The following LMAN1 variants were observed in gnomAD, a reference collection of about 807,000 sequenced individuals.
LMAN1 encodes protein ERGIC-53.
A neutral mutation model predicts 67.8 loss-of-function variants in LMAN1; 32 were observed. The observed-to-expected ratio is 0.47, with a 90% CI of 0.36 to 0.63. The LOEUF (loss-of-function observed/expected upper bound fraction) is 0.63, where lower values mean the gene tolerates loss of function less well. Among genes scored for constraint, LMAN1 ranks in the 30% least tolerant of loss-of-function variants. The probability of loss-of-function intolerance (pLI) is 0.00; values close to 1 mark genes in which losing one functional copy is unlikely to be tolerated. For synonymous variants in LMAN1, 235 were observed against 219.3 expected (o/e 1.07, Z -0.63); for missense variants, 632 against 628.2 (o/e 1.01, Z -0.06).
intron 9 of LMAN1, 51 bp downstream of exon 9, chr18:59,338,709 C>T: frequency 1.2e-6 from 2 of 1,609,012 alleles, no homozygotes; most frequent in Non-Finnish European, 1.7e-6. Context: ...TTCTTTACTT[C>T]CCTTCCAGCA....
chr18:59,354,443 G>A, intron 4 of LMAN1, 76 bp downstream of exon 4: 2 of 842,660 alleles, frequency 2.4e-6, no homozygotes, highest in Non-Finnish European at 4.1e-6. Flanking sequence ...AAGGTGTTCA[G>A]ATTTGAAACA....
intron 11 of LMAN1, 69 bp from the exon 12 acceptor site, chr18:59,331,608 A>G: frequency 1.3e-6 from 2 of 1,529,184 alleles, no homozygotes; most frequent in East Asian, 4.5e-5. Context: ...TAAATGTGAA[A>G]TCTTTATAAA....
intron 5 of LMAN1, 123 bp from the exon 6 acceptor site, chr18:59,349,359 G>T: frequency 1.1e-6 from 1 of 891,726 alleles, no homozygotes. Flanking sequence ...TTTAAATAAC[G>T]TTTCCTACTT....
intron 6 of LMAN1, 53 bp from the exon 7 acceptor site, chr18:59,347,624 AT>A: frequency 8.8e-7 from 1 of 1,140,436 alleles, no homozygotes; most frequent in Non-Finnish European, 1.3e-6. Context: ...GATTACTTTT[AT>A]CATTGTAAAT....
In LMAN1 at chr18:59,349,221, C is replaced by T. The variant is rs371961553; in HGVS notation, c.655G>A (p.Gly219Ser). ...TAATCATTTTTATCTGGTGTAAAGC[C>T]ATTATTGATCATTACCTAGAAAGAC... ...QNTLTVMINNGFTPDKNDYEF... is the reference protein window; with the variant it reads ...QNTLTVMINNSFTPDKNDYEF... Residue 219 changes from glycine (G) to serine (S), a missense_variant, in exon 6 of 13, where the codon GGC becomes AGC. Physicochemically the swap from Gly to Ser is moderately conservative, Grantham distance 56. Coordinates refer to ENST00000251047, the MANE Select transcript of LMAN1 (RefSeq NM_005570.4). 36 of 1,612,604 alleles carry T rather than the reference C, an allele frequency of 2.2e-5. No homozygotes were observed. Among genetic ancestry groups the T allele is most frequent in the Non-Finnish European group, 2.6e-5 (31 of 1,178,876 alleles).
Position 59,329,242 on chromosome 18 carries a change from AT to A in LMAN1, c.*1850del, listed in dbSNP as rs1295186666. On this transcript the variant is annotated 3_prime_UTR_variant, in exon 13 of 13. Transcript: ENST00000251047. ...ATGCTGTTTCATAATAGCCATCTCC[AT>A]TTGTAGTAAGAATAATCAGAATGAT... 3 of 152,190 alleles carry A rather than the reference AT, an allele frequency of 2.0e-5. No individual in the cohort carries two copies. The highest frequency in any genetic ancestry group is 4.4e-5 in the Non-Finnish European group (3 of 68,032). The allele number at this position is 152,190 out of a possible 1,614,324, so 9.4% of individuals were successfully genotyped here.
intron 8 of LMAN1, among the ~76,000 whole-genome samples, chr18:59,340,497 G>GAA (rs879865993): frequency 7.0e-6 from 1 of 142,548 alleles, no homozygotes; most frequent in Non-Finnish European, 1.5e-5. Flanking sequence ...GCTAATAAAA[G>GAA]AAAAAAAAAA....
chr18:59,348,023 T>G (rs1908459025), intron 6 of LMAN1, among the ~76,000 whole-genome samples: 1 of 152,254 alleles, frequency 6.6e-6, no homozygotes, highest in Non-Finnish European at 1.5e-5. Flanking sequence ...TCTCTGAACC[T>G]TTCTTAAGAG....
chr18:59,345,789 T>C, intron 8 of LMAN1, 130 bp downstream of exon 8: 1 of 1,083,422 alleles, frequency 9.2e-7, no homozygotes, highest in Non-Finnish European at 1.4e-6. Context: ...CCTAAATTGT[T>C]TCCAGAAATC....
Position 59,355,560 on chromosome 18 carries a change from C to T in LMAN1, c.313G>A (p.Glu105Lys), listed in dbSNP as rs756602008. The change falls in exon 2 of 13, where the codon GAA (glutamate) becomes AAA (lysine). Residue 105 changes from glutamate (E) to lysine (K), a missense_variant. Glu to Lys is a moderately conservative substitution (Grantham distance 56). Coordinates refer to ENST00000251047, the MANE Select transcript of LMAN1 (RefSeq NM_005570.4). ...GTCACTCGAAATGTCACCTCAACTT[C>T]CCAGTTCTCAAAGGCCGCTTTTGTC... ...TKTKAAFENW[E>K]VEVTFRVTGR... is the part of the protein sequence containing the mutation. 80 of 1,614,044 alleles carry T rather than the reference C, an allele frequency of 5.0e-5. No homozygotes were observed. Among genetic ancestry groups the T allele is most frequent in the Non-Finnish European group, 6.7e-5 (79 of 1,179,988 alleles).
chr18:59,350,882 A>G (rs1908529812), intron 5 of LMAN1, among the ~76,000 whole-genome samples: 1 of 152,198 alleles, frequency 6.6e-6, no homozygotes, highest in South Asian at 2.1e-4. Context: ...AAGCCTAGGT[A>G]CAAACTGTCC....
chr18:59,353,062 C>A (rs1256610254), intron 5 of LMAN1, 140 bp downstream of exon 5: 1 of 743,662 alleles, frequency 1.3e-6, no homozygotes, highest in African/African-American at 1.7e-5. Context: ...TGTGAAGCCA[C>A]CTCCGTTCTC....
At chr18:59,344,926 T>C (rs748290592) in intron 8 of LMAN1, among the ~76,000 whole-genome samples, 1 of 152,164 alleles carries the variant, frequency 6.6e-6, no homozygotes. Context: ...GTGGAGAAGG[T>C]TGTTGACTTT....
At position 59,329,865 on chromosome 18, in the gene LMAN1, G is replaced by A. The variant is rs1227204150; in HGVS notation, c.*1228C>T. 1 of 152,110 alleles carries A rather than the reference G, an allele frequency of 6.6e-6. No homozygotes were observed. The highest frequency in any genetic ancestry group is 6.6e-5 in the Admixed American group (1 of 15,250). The allele number at this position is 152,110 out of a possible 1,614,324, so 9.4% of individuals were successfully genotyped here. Reference sequence around the variant, plus strand: ...GCTAAAAGAAGTAAAAGAGTATTTTGAAGGCAGCAAAAATCAGTATAAATC... The same window carrying A: ...GCTAAAAGAAGTAAAAGAGTATTTTAAAGGCAGCAAAAATCAGTATAAATC... On this transcript the variant is annotated 3_prime_UTR_variant, in exon 13 of 13. Coordinates refer to ENST00000251047, the MANE Select transcript of LMAN1 (RefSeq NM_005570.4).
chr18:59,334,349 C>T (rs1410336890), intron 10 of LMAN1, among the ~76,000 whole-genome samples: 1 of 152,054 alleles, frequency 6.6e-6, no homozygotes, highest in Non-Finnish European at 1.5e-5. Flanking sequence ...ATAAACTTTG[C>T]AAGAAGAATG....
chr18:59,350,644 G>C (rs552146660), intron 5 of LMAN1, among the ~76,000 whole-genome samples: 172 of 152,170 alleles, frequency 1.1e-3, no homozygotes, highest in Middle Eastern at 0.01. Context: ...ACAGGCTCCC[G>C]CCACAAAGCC....
chr18:59,341,443 C>T (rs915747848), intron 8 of LMAN1, among the ~76,000 whole-genome samples: 1 of 152,110 alleles, frequency 6.6e-6, no homozygotes, highest in African/African-American at 2.4e-5. Context: ...CACAGGACTA[C>T]ATATTAGGCC....
intron 8 of LMAN1, among the ~76,000 whole-genome samples, chr18:59,340,998 A>C (rs999989365): frequency 3.3e-5 from 5 of 152,210 alleles, no homozygotes; most frequent in African/African-American, 1.2e-4. Context: ...ATAAAGACAC[A>C]CATAGACTGA....
chr18:59,347,478 A>G, intron 7 of LMAN1, 35 bp downstream of exon 7: 1 of 1,517,470 alleles, frequency 6.6e-7, no homozygotes, highest in Non-Finnish European at 9.1e-7. Flanking sequence ...GGCAAACTAA[A>G]CTGATAAAGT....
Sources: allele counts gnomAD v4.1 joint callset (sites outside exome capture counted in the v4.1 genomes callset), GRCh38; gene constraint gnomAD v4.1.1; transcripts MANE v1.5; gene names NCBI Gene and HGNC (gene_info 2026-07-23, HGNC 2026-07-21).